CSMD2: variants seen among roughly 807,000 people sequenced by gnomAD.
CSMD2 encodes CUB and Sushi multiple domains 2, also known as CUB and sushi domain-containing protein 2.
Under a neutral mutation model 398.5 loss-of-function variants are expected in CSMD2, and 130 were observed. The observed-to-expected ratio is 0.33, with a 90% confidence interval of 0.28 to 0.38. CSMD2 has a LOEUF of 0.38. Ranked by LOEUF, CSMD2 falls within the 10% of genes least tolerant of loss-of-function variation. The pLI, the probability that CSMD2 is intolerant of heterozygous loss-of-function variation, is 1.00. For synonymous variants in CSMD2, 1,828 were observed against 1,908.5 expected (o/e 0.96, Z 1.10); for missense variants, 3,829 against 4,764.9 (o/e 0.80, Z 5.78).
At chr1:33,765,550 C>T (rs945935064) in intron 13 of CSMD2, among the ~76,000 whole-genome samples, 3 of 152,174 alleles carry the variant, frequency 2.0e-5, no homozygotes, top group Non-Finnish European at 2.9e-5. Flanking sequence ...TCTAAGTAAA[C>T]TCCAGATGGA....
chr1:33,888,756 T>TTTTTTTTTTTGTTGTTG (rs1553244524), intron 5 of CSMD2, among the ~76,000 whole-genome samples: 13 of 148,938 alleles, frequency 8.7e-5, no homozygotes, highest in African/African-American at 2.7e-4. Flanking sequence ...TCAACTGATT[T>TTTTTTTTTTTGTTGTTG]TTGTTGTTGT....
At chr1:33,626,727 C>G (rs577268101) in intron 32 of CSMD2, 146 bp from the exon 33 acceptor site, 2 of 586,820 alleles carry the variant, frequency 3.4e-6, no homozygotes, top group East Asian at 2.9e-5. Context: ...TAAAATCTCA[C>G]GTATTTTTAC....
chr1:33,692,918 C>T lies in CSMD2; in HGVS notation c.4052+12G>A, dbSNP rs201576687. 1 of 1,608,728 alleles carries T rather than the reference C, an allele frequency of 6.2e-7. No individual in the cohort carries two copies. The highest frequency in any genetic ancestry group is 1.7e-5 in the Admixed American group (1 of 59,244). On this transcript the variant is annotated intron_variant, in intron 25 of 70. Coordinates refer to ENST00000373381, the MANE Select transcript of CSMD2 (RefSeq NM_001281956.2). The stretch of plus-strand genomic sequence containing the variant: ...AACTGGCGATAGTTACTTTGTCAGC[C>T]CTGACACTTACCCAATGGTGCAGCC...
At chr1:33,657,321 A>C (rs1160089821) in intron 27 of CSMD2, among the ~76,000 whole-genome samples, 1 of 152,202 alleles carries the variant, frequency 6.6e-6, no homozygotes, top group Non-Finnish European at 1.5e-5. Flanking sequence ...CAAAAATACA[A>C]AAATTTGCTG....
rs753712330 is a variant in CSMD2 at position 33,600,968 on chromosome 1, G to T, written c.6753C>A (p.Thr2251=). 2 of 1,614,138 alleles carry T rather than the reference G, an allele frequency of 1.2e-6. No homozygotes were observed. Among genetic ancestry groups the T allele is most frequent in the Admixed American group, 3.3e-5 (2 of 60,004 alleles). The part of the protein sequence containing the change: ...QQTAPRLGVF[T]RSMAKKTVQS... ...GCACTGTTTTCTTGGCCATGCTCCG[G>T]GTGAAGACGCCGAGCCGTGGTGCTG... The change falls in exon 44 of 71, where the codon ACC becomes ACA. Residue 2251 remains threonine, a synonymous_variant. Coordinates refer to ENST00000373381, the MANE Select transcript of CSMD2 (RefSeq NM_001281956.2).
intron 3 of CSMD2, among the ~76,000 whole-genome samples, chr1:33,945,197 C>G (rs1570588291): frequency 6.6e-6 from 1 of 152,000 alleles, no homozygotes; most frequent in African/African-American, 2.4e-5. Context: ...CAGAATAGAG[C>G]TGCCAAGTAA....
At chr1:33,909,356 T>C (rs996413575) in intron 5 of CSMD2, among the ~76,000 whole-genome samples, 1 of 152,176 alleles carries the variant, frequency 6.6e-6, no homozygotes, top group Non-Finnish European at 1.5e-5. Flanking sequence ...GCTTAAATCC[T>C]ACCCTCCTCA....
chr1:34,043,576 C>G (rs1369545622), intron 2 of CSMD2, among the ~76,000 whole-genome samples: 3 of 152,246 alleles, frequency 2.0e-5, no homozygotes, highest in Non-Finnish European at 4.4e-5. Context: ...CACTAGTGCA[C>G]AGTACATATT....
intron 13 of CSMD2, among the ~76,000 whole-genome samples, chr1:33,755,068 T>C (rs771382279): frequency 2.6e-5 from 4 of 152,150 alleles, no homozygotes; most frequent in Non-Finnish European, 5.9e-5. Flanking sequence ...CATGAATTTA[T>C]AGCAGTGCCA....
At chr1:33,935,652 T>C in intron 4 of CSMD2, 108 bp downstream of exon 4, 1 of 1,199,172 alleles carries the variant, frequency 8.3e-7, no homozygotes, top group Non-Finnish European at 1.1e-6. Context: ...GGTACCCCCC[T>C]CCCTGCTGGG....
At chr1:33,982,854 G>C (rs78795475) in intron 3 of CSMD2, among the ~76,000 whole-genome samples, 8,825 of 152,288 alleles carry the variant, frequency 0.058, 317 homozygotes, top group Non-Finnish European at 0.082. Context: ...GCTCGTGAAG[G>C]CTTTGTACAT....
chr1:33,984,014 C>T (rs1345120470), intron 3 of CSMD2, among the ~76,000 whole-genome samples: 2 of 152,028 alleles, frequency 1.3e-5, no homozygotes, highest in East Asian at 1.9e-4. Context: ...ATTAGCTAGG[C>T]GTGGTGGCGC....
intron 1 of CSMD2, among the ~76,000 whole-genome samples, chr1:34,114,134 C>A (rs932763245): frequency 6.6e-6 from 1 of 152,062 alleles, no homozygotes; most frequent in Non-Finnish European, 1.5e-5. Context: ...AAATTACAAA[C>A]CCTTGAAGGA....
At chr1:33,838,488 C>G (rs1307281844) in intron 6 of CSMD2, 1 of 152,210 alleles carries the variant, frequency 6.6e-6, no homozygotes, top group East Asian at 1.9e-4. Context: ...TAGCTGAGGG[C>G]TGCCTTGCCA....
At chr1:33,840,910 C>T (rs1376297743) in intron 6 of CSMD2, among the ~76,000 whole-genome samples, 1 of 152,214 alleles carries the variant, frequency 6.6e-6, no homozygotes, top group African/African-American at 2.4e-5. Flanking sequence ...ATGCCTGAAG[C>T]ACTTTCATTC....
chr1:33,778,073 T>G (rs1471152575), intron 12 of CSMD2, among the ~76,000 whole-genome samples: 1 of 152,238 alleles, frequency 6.6e-6, no homozygotes, highest in Non-Finnish European at 1.5e-5. Context: ...TCCTTTGGCA[T>G]GACTAACGCC....
At chr1:33,694,387 C>A (rs1378358932) in intron 24 of CSMD2, among the ~76,000 whole-genome samples, 1 of 152,084 alleles carries the variant, frequency 6.6e-6, no homozygotes, top group Non-Finnish European at 1.5e-5. Flanking sequence ...TGTGTCCCTA[C>A]CCAAATTTCG....
At chr1:33,941,574 G>A (rs1644676352) in intron 3 of CSMD2, among the ~76,000 whole-genome samples, 1 of 152,190 alleles carries the variant, frequency 6.6e-6, no homozygotes, top group Non-Finnish European at 1.5e-5. Context: ...CAGTGGGCAG[G>A]ATCAGGGAGG....
At chr1:33,698,970 G>T (rs754455737) in intron 23 of CSMD2, 26 bp from the exon 24 acceptor site, 2 of 1,587,296 alleles carry the variant, frequency 1.3e-6, no homozygotes, top group Admixed American at 3.4e-5. Flanking sequence ...GAGGTAGAGT[G>T]AGTAAGACCT....
Sources: gnomAD v4.1 joint callset for allele counts (sites outside exome capture counted in the v4.1 genomes callset) on GRCh38, gnomAD v4.1.1 for gene constraint, MANE v1.5 for transcripts, NCBI Gene and HGNC (gene_info 2026-07-23, HGNC 2026-07-21) for gene names.